TTC3: variants seen among roughly 807,000 people sequenced by gnomAD.
The protein encoded by TTC3 is E3 ubiquitin-protein ligase TTC3.
TTC3 carries 180 observed loss-of-function variants against 249.6 expected under a neutral mutation model. The ratio of observed to expected loss-of-function variants is 0.72; its 90% CI spans 0.64 to 0.82. TTC3 has a LOEUF of 0.82. Ranked by LOEUF, TTC3 falls within the 40% of genes least tolerant of loss-of-function variation. The pLI, the probability that TTC3 is intolerant of heterozygous loss-of-function variation, is 0.00. For synonymous variants in TTC3, 717 were observed against 805.0 expected, an observed-to-expected ratio of 0.89 and a Z score of 1.85; for missense variants, 2,061 against 2,398.4, an observed-to-expected ratio of 0.86 and a Z score of 2.94.
chr21:37,198,450 G>A (rs950924810), intron 44 of TTC3, among the ~76,000 whole-genome samples: 1 of 152,192 alleles, frequency 6.6e-6, no homozygotes, highest in Non-Finnish European at 1.5e-5. Flanking sequence ...AATGTGTCGT[G>A]TGGCCACACC....
At chr21:37,122,898 G>A in intron 12 of TTC3, 85 bp from the exon 13 acceptor site, 2 of 1,370,730 alleles carry the variant, frequency 1.5e-6, no homozygotes, top group Non-Finnish European at 2.0e-6. Context: ...CTTACTATCA[G>A]CTTAAAGTAA....
At chr21:37,087,970 T>C in intron 3 of TTC3, 95 bp downstream of exon 3, 2 of 1,042,764 alleles carry the variant, frequency 1.9e-6, no homozygotes, top group Non-Finnish European at 2.8e-6. Context: ...TTTATATGCC[T>C]TTTAAAAATG....
At chr21:37,172,045 T>C (rs2081846792) in intron 34 of TTC3, among the ~76,000 whole-genome samples, 1 of 152,220 alleles carries the variant, frequency 6.6e-6, no homozygotes, top group African/African-American at 2.4e-5. Context: ...ACATTTATTG[T>C]TTGCCAACAG....
chr21:37,160,240 A>G (rs1444932230), intron 29 of TTC3, among the ~76,000 whole-genome samples: 8 of 152,208 alleles, frequency 5.3e-5, no homozygotes, highest in Admixed American at 5.2e-4. Flanking sequence ...AAATAGAGAA[A>G]AGCACAACAT....
Position 37,197,697 on chromosome 21 carries a change from G to A in TTC3, c.5706+1G>A, listed in dbSNP as rs2085065946. On this transcript the variant is annotated splice_donor_variant, in intron 43 of 45. Coordinates refer to ENST00000355666, the Ensembl canonical transcript of TTC3. LOFTEE classifies it high-confidence loss of function. ...TCTAGATGAACAGAAAAAGAAAAAG[G>A]TATTTTATCTAGATGTTCCAGTTTA... 5 of 1,601,918 alleles carry A rather than the reference G, an allele frequency of 3.1e-6. No homozygotes were observed. The highest frequency in any genetic ancestry group is 4.3e-6 in the Non-Finnish European group (5 of 1,175,596).
rs1444045196 is a variant in TTC3 at position 37,124,663 on chromosome 21, C to CA, written c.1155dup (p.Leu386ThrfsTer2). On this transcript the variant is annotated frameshift_variant, in exon 14 of 46. Transcript: ENST00000355666. LOFTEE classifies it high-confidence loss of function. ...TTATCAGCACCTATATTTACTACTT[C>CA]ACTTAACTTTGTGGAGAAGGAAAGA... 6 of 1,613,376 alleles carry CA rather than the reference C, an allele frequency of 3.7e-6. No homozygotes were observed. The highest frequency in any genetic ancestry group is 5.1e-6 in the Non-Finnish European group (6 of 1,179,836).
chr21:37,101,606 A>T (rs945381810), intron 10 of TTC3, among the ~76,000 whole-genome samples: 1 of 152,160 alleles, frequency 6.6e-6, no homozygotes, highest in African/African-American at 2.4e-5. Context: ...ATCTCTTCAG[A>T]TCCTTGTGTA....
intron 30 of TTC3, 145 bp downstream of exon 30, chr21:37,161,003 C>T: frequency 5.5e-6 from 4 of 733,844 alleles, no homozygotes; most frequent in Non-Finnish European, 8.1e-6. Context: ...TTTTGGCAGT[C>T]TTCTACATTT....
intron 1 of TTC3, among the ~76,000 whole-genome samples, chr21:37,077,473 A>G (rs948132960): frequency 2.0e-5 from 3 of 152,236 alleles, no homozygotes; most frequent in Non-Finnish European, 2.9e-5. Flanking sequence ...AGCTTTACAA[A>G]ATAATGTCAG....
chr21:37,150,327 G>A (rs1057286665), intron 24 of TTC3, among the ~76,000 whole-genome samples, 157 bp downstream of exon 24: 2 of 152,144 alleles, frequency 1.3e-5, no homozygotes, highest in African/African-American at 4.8e-5. Context: ...TGGGATGTGA[G>A]AATGCTTCAT....
exon 46 of TTC3, chr21:37,201,549 A>T: frequency 6.2e-7 from 1 of 1,613,998 alleles, no homozygotes; most frequent in Non-Finnish European, 8.5e-7. Context: ...CAGAATCAGG[A>T]GCTGCCTTCC....
intron 35 of TTC3, 31 bp from the exon 36 acceptor site, chr21:37,182,743 A>G (rs1314175448): frequency 6.5e-7 from 1 of 1,544,184 alleles, no homozygotes; most frequent in Non-Finnish European, 8.7e-7. Context: ...ATATTTTGCC[A>G]TTTATTTAAG....
At chr21:37,188,287 G>A in intron 38 of TTC3, 3 of 473,326 alleles carry the variant, frequency 6.3e-6, no homozygotes, top group Non-Finnish European at 3.9e-6. Context: ...GATCATGGAA[G>A]GTATGCATTT....
chr21:37,112,607 T>C (rs1332646946), intron 11 of TTC3, among the ~76,000 whole-genome samples: 1 of 152,112 alleles, frequency 6.6e-6, no homozygotes, highest in African/African-American at 2.4e-5. Context: ...AATTCTACCA[T>C]AGGTACTAGG....
At chr21:37,095,137 A>ATGTGTGTGTGTG (rs57682889) in intron 8 of TTC3, among the ~76,000 whole-genome samples, 3,984 of 147,474 alleles carry the variant, frequency 0.027, 107 homozygotes, top group African/African-American at 0.061. Context: ...CTCTAAAAAT[A>ATGTGTGTGTGTG]TGTGTGTGTG....
At chr21:37,153,386 A>C in intron 27 of TTC3, 109 bp downstream of exon 27, 1 of 1,087,754 alleles carries the variant, frequency 9.2e-7, no homozygotes, top group East Asian at 2.6e-5. Flanking sequence ...TAAATGCAGG[A>C]CTATAAATTT....
chr21:37,076,426 T>C (rs1039028259), intron 1 of TTC3, among the ~76,000 whole-genome samples: 5 of 152,244 alleles, frequency 3.3e-5, no homozygotes, highest in African/African-American at 1.2e-4. Flanking sequence ...ATTTTCACAC[T>C]GGGGTATATG....
At chr21:37,123,550 C>T (rs963808774) in intron 13 of TTC3, among the ~76,000 whole-genome samples, 1 of 152,178 alleles carries the variant, frequency 6.6e-6, no homozygotes, top group Non-Finnish European at 1.5e-5. Flanking sequence ...TCTACCTTTA[C>T]TTATTTGGCA....
In TTC3 at chr21:37,163,404, G is replaced by A. The variant is rs539200578; in HGVS notation, c.3171-647G>A. On this transcript the variant is annotated intron_variant, in intron 31 of 45. Transcript: ENST00000355666. ...TCGCTCTTGTTGCCCAGGCTGGAGC[G>A]CAATGGCGTGATCTCAGCTCACTGC... Among the ~76,000 whole-genome samples, 228 of 152,286 alleles carry A rather than the reference G, an allele frequency of 1.5e-3. 2 individuals carry two copies. Among genetic ancestry groups the A allele is most frequent in the Non-Finnish European group, 1.7e-3 (114 of 68,026 alleles).
Sources: allele counts gnomAD v4.1 joint callset (sites outside exome capture counted in the v4.1 genomes callset), GRCh38; gene constraint gnomAD v4.1.1; transcripts MANE v1.5; gene names NCBI Gene and HGNC (gene_info 2026-07-23, HGNC 2026-07-21).